JARID2: variants seen among roughly 807,000 people sequenced by gnomAD.
JARID2 encodes the protein jumonji and AT-rich interaction domain containing 2.
In JARID2, 21 loss-of-function variants were observed where a neutral mutation model predicts 125.6. The observed-to-expected ratio is 0.17, with a 90% CI of 0.12 to 0.24. The LOEUF (loss-of-function observed/expected upper bound fraction) is 0.24, where lower values mean the gene tolerates loss of function less well. Among genes scored for constraint, JARID2 ranks in the 10% least tolerant of loss-of-function variants. The pLI is 1.00. For missense variants in JARID2, 1,303 were observed against 1,639.6 expected, an observed-to-expected ratio of 0.79 and a Z score of 3.55; for synonymous variants, 736 against 661.6, an observed-to-expected ratio of 1.11 and a Z score of -1.73.
chr6:15,395,421 G>A (rs1188820142), intron 2 of JARID2, among the ~76,000 whole-genome samples: 1 of 151,920 alleles, frequency 6.6e-6, no homozygotes, highest in Non-Finnish European at 1.5e-5. Context: ...GTGCACCACT[G>A]TGCCCGGCTA....
At chr6:15,479,291 C>T (rs1769499669) in intron 5 of JARID2, among the ~76,000 whole-genome samples, 1 of 152,190 alleles carries the variant, frequency 6.6e-6, no homozygotes, top group Non-Finnish European at 1.5e-5. Context: ...TTTTCAATGA[C>T]AAAAACCATT....
chr6:15,387,391 G>T (rs1764826721), intron 2 of JARID2, among the ~76,000 whole-genome samples: 1 of 152,188 alleles, frequency 6.6e-6, no homozygotes, highest in African/African-American at 2.4e-5. Flanking sequence ...TCTGGTGTCT[G>T]TAAGTCCAAG....
chr6:15,312,261 G>C (rs1222944395), intron 1 of JARID2, among the ~76,000 whole-genome samples: 1 of 152,034 alleles, frequency 6.6e-6, no homozygotes, highest in Admixed American at 6.5e-5. Context: ...CACTGTCTTG[G>C]CCAGGCTGGG....
intron 1 of JARID2, among the ~76,000 whole-genome samples, chr6:15,269,412 G>A (rs771471894): frequency 1.3e-5 from 2 of 152,080 alleles, no homozygotes; most frequent in Non-Finnish European, 2.9e-5. Context: ...AGGCTGGCGT[G>A]TGGTGGTGTG....
chr6:15,415,655 C>A (rs1028611376), intron 3 of JARID2, among the ~76,000 whole-genome samples: 3 of 147,988 alleles, frequency 2.0e-5, no homozygotes, highest in African/African-American at 7.5e-5. Flanking sequence ...TGACCCCCCC[C>A]ACCTCCCTCC....
chr6:15,420,396 CCA>C (rs755417340), intron 3 of JARID2, among the ~76,000 whole-genome samples: 50 of 117,260 alleles, frequency 4.3e-4, no homozygotes, highest in Non-Finnish European at 8.3e-4. Flanking sequence ...GAGCAAGACT[CCA>C]TAAAAAAAAA....
chr6:15,318,675 G>C (rs1241489004), intron 1 of JARID2, among the ~76,000 whole-genome samples: 1 of 152,152 alleles, frequency 6.6e-6, no homozygotes, highest in African/African-American at 2.4e-5. Flanking sequence ...GGATTCACTG[G>C]TGTGACTGTT....
At chr6:15,451,765 A>G (rs936100510) in intron 3 of JARID2, among the ~76,000 whole-genome samples, 6 of 152,212 alleles carry the variant, frequency 3.9e-5, no homozygotes, top group Admixed American at 6.5e-5. Context: ...ACATGTATAC[A>G]CATGTCCATG....
intron 1 of JARID2, among the ~76,000 whole-genome samples, chr6:15,306,752 G>T (rs1237212812): frequency 6.6e-6 from 1 of 151,438 alleles, no homozygotes; most frequent in Non-Finnish European, 1.5e-5. Flanking sequence ...AATTTTTTTT[G>T]ACTTTTGTTA....
rs1760241966 is a variant in JARID2 at position 15,270,163 on chromosome 6, A to T, written c.45+23579A>T. Among the ~76,000 whole-genome samples, 2 of 151,238 alleles carry T rather than the reference A, an allele frequency of 1.3e-5. 1 individual carries two copies. The highest frequency in any genetic ancestry group is 2.9e-5 in the Non-Finnish European group (2 of 67,816). The stretch of plus-strand genomic sequence containing the variant: ...GTCCTTCCGTCTTTGATGGACTTTC[A>T]CTCATGTTGCCCAGGCTGGAGAGCA... On this transcript the variant is annotated intron_variant, in intron 1 of 17. Transcript: ENST00000341776.
chr6:15,449,794 A>G (rs1377916671), intron 3 of JARID2, among the ~76,000 whole-genome samples: 1 of 152,082 alleles, frequency 6.6e-6, no homozygotes, highest in Non-Finnish European at 1.5e-5. Flanking sequence ...GTGGATTGTC[A>G]GTTTGTATCA....
chr6:15,424,535 T>C (rs1204961171), intron 3 of JARID2, among the ~76,000 whole-genome samples: 1 of 152,168 alleles, frequency 6.6e-6, no homozygotes, highest in African/African-American at 2.4e-5. Context: ...AAGAGCAATT[T>C]TGCAGAGTGG....
At chr6:15,370,660 G>A (rs12190925) in intron 1 of JARID2, among the ~76,000 whole-genome samples, 1 of 152,078 alleles carries the variant, frequency 6.6e-6, no homozygotes, top group Non-Finnish European at 1.5e-5. Flanking sequence ...CTGTTTTTTA[G>A]AGCGTTCAGT....
rs548629311 is a variant in JARID2, at chr6:15,317,009, C to G, written c.46-57108C>G. Among the ~76,000 whole-genome samples, 5 of 152,066 alleles carry G rather than the reference C, an allele frequency of 3.3e-5. No homozygotes were observed. The East Asian group carries it at 7.7e-4, about 23-fold the overall frequency. On this transcript the variant is annotated intron_variant, in intron 1 of 17. Transcript: ENST00000341776. ...TTGCTGTGGGGTTTCAATGAGTGTA[C>G]TTTTGGTCTAGAATGAATCTTTTGT... is the stretch of plus-strand genomic sequence containing the variant.
intron 1 of JARID2, chr6:15,247,972 C>A (rs1759247991): frequency 1.0e-6 from 1 of 985,358 alleles, no homozygotes; most frequent in South Asian, 4.7e-5. Flanking sequence ...GTTTCGGATG[C>A]AGCCACAAAG....
intron 17 of JARID2, among the ~76,000 whole-genome samples, chr6:15,517,991 A>G (rs1581677182): frequency 6.6e-6 from 1 of 152,238 alleles, no homozygotes; most frequent in Admixed American, 6.5e-5. Context: ...CTGGGGGCCC[A>G]GGCAGTGGGG....
intron 3 of JARID2, among the ~76,000 whole-genome samples, chr6:15,419,654 G>C (rs1766396934): frequency 6.6e-6 from 1 of 152,068 alleles, no homozygotes; most frequent in African/African-American, 2.4e-5. Context: ...TTTTTGCTGG[G>C]TATAAAATTT....
chr6:15,409,191 A>G (rs189392469), intron 2 of JARID2, among the ~76,000 whole-genome samples: 5 of 152,338 alleles, frequency 3.3e-5, no homozygotes, highest in African/African-American at 1.2e-4. Context: ...ACTTTCTGAG[A>G]TACTTCAGTC....
chr6:15,422,985 C>CTTT (rs375223254), intron 3 of JARID2, among the ~76,000 whole-genome samples: 25 of 125,888 alleles, frequency 2.0e-4, no homozygotes, highest in African/African-American at 5.9e-4. Flanking sequence ...GTAGCCTAGT[C>CTTT]TTTTTTTTTT....
Sources: gnomAD v4.1 joint callset for allele counts (sites outside exome capture counted in the v4.1 genomes callset) on GRCh38, gnomAD v4.1.1 for gene constraint, MANE v1.5 for transcripts, NCBI Gene and HGNC (gene_info 2026-07-23, HGNC 2026-07-21) for gene names.